TMX3: variants seen among roughly 807,000 people sequenced by gnomAD.
TMX3 encodes the protein thioredoxin related transmembrane protein 3.
TMX3 carries 40 observed loss-of-function variants against 64.4 expected under a neutral mutation model. The ratio of observed to expected loss-of-function variants is 0.62; its 90% CI spans 0.48 to 0.81. The LOEUF is 0.81. Among genes scored for constraint, TMX3 ranks in the 30% least tolerant of loss-of-function variants. TMX3 has a pLI of 0.00. For missense variants in TMX3, 497 were observed against 534.5 expected, an observed-to-expected ratio of 0.93 and a Z score of 0.69; for synonymous variants, 189 against 175.7, an observed-to-expected ratio of 1.08 and a Z score of -0.60.
Position 68,684,448 on chromosome 18 carries a change from A to G in TMX3, c.774T>C (p.Asn258=), listed in dbSNP as rs1913749753. 6.2e-7 allele frequency: 1 copy of G among 1,612,918 alleles called. No individual in the cohort carries two copies. The highest frequency in any genetic ancestry group is 1.3e-5 in the African/African-American group (1 of 74,902). ...LVALAVIDEK[N]TSVEHTRLKS... Reference sequence around the variant, plus strand: ...TATACCTGGTATGTTCAACTGATGTATTTTTCTCATCAATAACTGCAAGAG... The same window carrying G: ...TATACCTGGTATGTTCAACTGATGTGTTTTTCTCATCAATAACTGCAAGAG... The change falls in exon 11 of 16, where the codon AAT becomes AAC. Residue 258 remains asparagine, a synonymous_variant. Transcript: ENST00000299608.
intron 13 of TMX3, among the ~76,000 whole-genome samples, chr18:68,682,110 A>G (rs945108509): frequency 1.3e-5 from 2 of 152,226 alleles, no homozygotes; most frequent in Non-Finnish European, 2.9e-5. Flanking sequence ...CCTGTCCTAC[A>G]TAGATCTTTT....
At chr18:68,677,824 G>A (rs181244387) in intron 15 of TMX3, among the ~76,000 whole-genome samples, 25 of 152,186 alleles carry the variant, frequency 1.6e-4, no homozygotes, top group African/African-American at 5.1e-4. Flanking sequence ...GATCACTTTG[G>A]ATTGAGATAA....
At chr18:68,688,438 A>G (rs1021439202) in intron 9 of TMX3, 2 of 152,208 alleles carry the variant, frequency 1.3e-5, no homozygotes, top group African/African-American at 4.8e-5. Flanking sequence ...TAAGAGAAAT[A>G]TTACATCCTA....
chr18:68,708,034 T>C (rs766949635), intron 4 of TMX3, among the ~76,000 whole-genome samples: 1 of 134,546 alleles, frequency 7.4e-6, no homozygotes, highest in Non-Finnish European at 1.5e-5. Context: ...TGTGTATATG[T>C]GTATATATGT....
chr18:68,697,264 T>C lies in TMX3; in HGVS notation c.532A>G (p.Thr178Ala), dbSNP rs143575518. 3.2e-5 allele frequency: 51 copies of C among 1,582,518 alleles called. No individual in the cohort carries two copies. Among genetic ancestry groups the C allele is most frequent in the Non-Finnish European group, 4.2e-5 (49 of 1,162,748 alleles). The change falls in exon 8 of 16, where the codon ACA becomes GCA. Residue 178 changes from threonine (T) to alanine (A), a missense_variant. Coordinates refer to ENST00000299608, the MANE Select transcript of TMX3 (RefSeq NM_019022.5). ...TCTTCTGAGGCAGAAAAGAAGTATG[T>C]ATATACAATCAATTCTGAAGCAGCA... is the stretch of plus-strand genomic sequence containing the variant. Reference protein sequence around the residue: ...IDAASELIVYTYFFSASEEVV... With the variant: ...IDAASELIVYAYFFSASEEVV...
chr18:68,686,835 T>C (rs1914008949), intron 10 of TMX3: 1 of 985,172 alleles, frequency 1.0e-6, no homozygotes, highest in African/African-American at 1.7e-5. Context: ...ACACAGAACA[T>C]TAAAAGCAAG....
chr18:68,714,964 A>G lies in TMX3; in HGVS notation c.18T>C (p.Ser6=), dbSNP rs199638611. MAAWK[S]WTALRLCATV... ...TGGCGCAGAGCCGCAGGGCCGTCCAACTCTTCCACGCTGCCATGCTAGCCC... is the reference window on the plus strand; with the variant it reads ...TGGCGCAGAGCCGCAGGGCCGTCCAGCTCTTCCACGCTGCCATGCTAGCCC... Residue 6 remains serine (S), a synonymous_variant, in exon 1 of 16, where the codon AGT becomes AGC. Coordinates refer to ENST00000299608, the MANE Select transcript of TMX3 (RefSeq NM_019022.5). 5 of 1,574,130 alleles carry G rather than the reference A, an allele frequency of 3.2e-6. No individual in the cohort carries two copies. In the South Asian group the frequency reaches 4.7e-5, roughly 15 times the overall value.
intron 10 of TMX3, chr18:68,687,206 T>C (rs1185162646): frequency 1.0e-6 from 1 of 985,320 alleles, no homozygotes; most frequent in East Asian, 1.1e-4. Context: ...TCTTACAGCT[T>C]TCATTTTTGT....
intron 5 of TMX3, 94 bp from the exon 6 acceptor site, chr18:68,700,579 C>T (rs865879379): frequency 9.8e-7 from 1 of 1,022,724 alleles, no homozygotes; most frequent in Middle Eastern, 3.3e-4. Flanking sequence ...AATTATATTA[C>T]ATAAAATAGT....
chr18:68,705,276 G>A (rs1227688885), intron 4 of TMX3, among the ~76,000 whole-genome samples: 1 of 152,050 alleles, frequency 6.6e-6, no homozygotes, highest in Non-Finnish European at 1.5e-5. Context: ...AATAGTGCAA[G>A]GCTGATAAAC....
intron 8 of TMX3, chr18:68,696,803 T>C (rs1455951501): frequency 6.3e-6 from 1 of 157,778 alleles, no homozygotes; most frequent in Non-Finnish European, 1.4e-5. Flanking sequence ...ATAGCACTTA[T>C]GATATCCTGT....
chr18:68,691,421 T>C (rs1914512970), intron 8 of TMX3, 60 bp from the exon 9 acceptor site: 2 of 1,150,956 alleles, frequency 1.7e-6, no homozygotes, highest in Non-Finnish European at 2.4e-6. Flanking sequence ...TTAGTAACTA[T>C]AATTTCAAAA....
chr18:68,675,856 G>A lies in TMX3; in HGVS notation c.*1077C>T, dbSNP rs1912885372. 6.6e-6 allele frequency: 1 copy of A among 152,138 alleles called. No homozygotes were observed. The highest frequency in any genetic ancestry group is 2.4e-5 in the African/African-American group (1 of 41,430). 9.4% of individuals were successfully genotyped at this position (152,138 alleles called of 1,614,324 possible). A position where few individuals can be genotyped will look rare whatever the true frequency, so the allele number is the denominator to read the frequency against. On this transcript the variant is annotated 3_prime_UTR_variant, in exon 16 of 16. Coordinates refer to ENST00000299608, the MANE Select transcript of TMX3 (RefSeq NM_019022.5). ...ACTAAGACAATGGAGAAGGTAACTG[G>A]CTGATCTCTTTTTTTTACACCGGAT... is the stretch of plus-strand genomic sequence containing the variant.
At chr18:68,700,332 A>T in intron 6 of TMX3, 73 bp downstream of exon 6, 2 of 1,062,342 alleles carry the variant, frequency 1.9e-6, no homozygotes, top group Non-Finnish European at 2.7e-6. Flanking sequence ...TGTTTGTTCA[A>T]TACAGTCTAT....
At chr18:68,709,554 A>G (rs1024156907) in intron 4 of TMX3, among the ~76,000 whole-genome samples, 2 of 152,004 alleles carry the variant, frequency 1.3e-5, no homozygotes, top group African/African-American at 4.8e-5. Context: ...TCTAGTACAC[A>G]CTCATTAACC....
intron 6 of TMX3, among the ~76,000 whole-genome samples, chr18:68,698,740 G>C (rs940851585): frequency 2.0e-5 from 3 of 152,068 alleles, no homozygotes; most frequent in Non-Finnish European, 4.4e-5. Context: ...AAGAGGGCCG[G>C]GGGCGGTGGC....
At chr18:68,694,463 C>T (rs551244231) in intron 8 of TMX3, among the ~76,000 whole-genome samples, 24 of 152,284 alleles carry the variant, frequency 1.6e-4, no homozygotes, top group Admixed American at 7.8e-4. Flanking sequence ...CCTGGCTGTG[C>T]GCAGTGGCCA....
intron 12 of TMX3, among the ~76,000 whole-genome samples, 178 bp from the exon 13 acceptor site, chr18:68,683,159 A>G (rs938181128): frequency 2.0e-5 from 3 of 152,182 alleles, no homozygotes; most frequent in African/African-American, 7.2e-5. Context: ...AACACTGCTA[A>G]AAGTGTAAAT....
At chr18:68,683,367 T>C (rs916721814) in intron 12 of TMX3, among the ~76,000 whole-genome samples, 2 of 152,116 alleles carry the variant, frequency 1.3e-5, no homozygotes, top group Admixed American at 1.3e-4. Context: ...CAATGACCCA[T>C]CATTAGAAGA....
Sources: allele counts gnomAD v4.1 joint callset (sites outside exome capture counted in the v4.1 genomes callset), GRCh38; gene constraint gnomAD v4.1.1; transcripts MANE v1.5; gene names NCBI Gene and HGNC (gene_info 2026-07-23, HGNC 2026-07-21).